The following TPM1 variants were observed in gnomAD, a reference collection of about 807,000 sequenced individuals.
TPM1 encodes tropomyosin 1.
TPM1 carries 24 observed loss-of-function variants against 42.9 expected under a neutral mutation model. The observed-to-expected ratio is 0.56, with a 90% CI of 0.41 to 0.79. The LOEUF (loss-of-function observed/expected upper bound fraction) is 0.79. Ranked by LOEUF, TPM1 falls within the 30% of genes least tolerant of loss-of-function variation. TPM1 has a pLI of 0.00. For synonymous variants in TPM1, 136 were observed against 130.1 expected, an observed-to-expected ratio of 1.05 and a Z score of -0.31; for missense variants, 158 against 351.8, an observed-to-expected ratio of 0.45 and a Z score of 4.41.
At chr15:63,049,233 G>A (rs2033304566) in intron 2 of TPM1, 2 of 183,340 alleles carry the variant, frequency 1.1e-5, no homozygotes, top group South Asian at 8.4e-5. Flanking sequence ...CTCCGAGGCG[G>A]TAGACAGACA....
At chr15:63,070,943 C>T, downstream of TPM1, 1 of 1,474,790 alleles carries the variant, frequency 6.8e-7, no homozygotes, top group African/African-American at 1.4e-5. Flanking sequence ...AGGTTCTTGT[C>T]TAGAAATGAG....
downstream of TPM1, chr15:63,070,136 T>A (rs2141034014): frequency 1.0e-5 from 15 of 1,445,344 alleles, no homozygotes; most frequent in Non-Finnish European, 1.4e-5. Context: ...ACGTTCTCTT[T>A]AATCACAAAA....
chr15:63,054,852 G>A (rs781391068), intron 2 of TPM1, among the ~76,000 whole-genome samples: 1 of 151,910 alleles, frequency 6.6e-6, no homozygotes, highest in Non-Finnish European at 1.5e-5. Context: ...TTTTTTGTGT[G>A]GCTTTAAATT....
chr15:63,063,293 G>C, intron 8 of TPM1: 5 of 985,468 alleles, frequency 5.1e-6, no homozygotes, highest in African/African-American at 1.7e-5. Flanking sequence ...GAAGGGATTA[G>C]AGAAGGAACT....
intron 9 of TPM1, 89 bp from the exon 10 acceptor site, chr15:63,065,807 T>C (rs2036215219): frequency 2.7e-6 from 4 of 1,463,006 alleles, no homozygotes; most frequent in African/African-American, 1.4e-5. Context: ...TTTCAAGTGC[T>C]CTCATCTATT....
At chr15:63,064,443 T>C in intron 9 of TPM1, 1 of 1,198,644 alleles carries the variant, frequency 8.3e-7, no homozygotes, top group Non-Finnish European at 1.0e-6. Context: ...TAAGCTAAAC[T>C]CAAGTAAAAC....
chr15:63,046,474 A>G (rs535969291), intron 2 of TPM1: 1 of 152,294 alleles, frequency 6.6e-6, no homozygotes, highest in Admixed American at 6.5e-5. Flanking sequence ...ACACTTTTAC[A>G]TTTTTCTACT....
chr15:63,069,188 C>G (rs1236531233), downstream of TPM1, among the ~76,000 whole-genome samples: 3 of 152,104 alleles, frequency 2.0e-5, no homozygotes, highest in Non-Finnish European at 2.9e-5. Flanking sequence ...AATTCTAAAT[C>G]AGTGTTGAGT....
intron 2 of TPM1, 149 bp downstream of exon 2, chr15:63,044,301 G>A (rs1248799096): frequency 4.7e-6 from 5 of 1,062,096 alleles, no homozygotes; most frequent in Non-Finnish European, 5.7e-6. Flanking sequence ...ATTGGATGCC[G>A]CCTCTGACTG....
At chr15:63,070,290 G>GTGTATATATATATATA (rs946549260), downstream of TPM1, 971 of 502,896 alleles carry the variant, frequency 1.9e-3, 17 homozygotes, top group African/African-American at 0.021. Context: ...CTTTAAGTAT[G>GTGTATATATATATATA]TATATATATA....
chr15:63,060,998 A>G, intron 5 of TPM1, 59 bp downstream of exon 5: 1 of 1,597,572 alleles, frequency 6.3e-7, no homozygotes, highest in Admixed American at 1.7e-5. Flanking sequence ...GTGACTAAAC[A>G]GCATGACCTT....
At chr15:63,056,894 T>A in intron 2 of TPM1, 91 bp from the exon 3 acceptor site, 1 of 1,569,496 alleles carries the variant, frequency 6.4e-7, no homozygotes, top group African/African-American at 1.3e-5. Context: ...AGTCTTCCTA[T>A]CTGAAATCAG....
At chr15:63,065,366 C>G (rs1370482047) in intron 9 of TPM1, 1 of 989,904 alleles carries the variant, frequency 1.0e-6, no homozygotes, top group East Asian at 1.1e-4. Flanking sequence ...ACCTGTCATT[C>G]ATTTACCCAT....
chr15:63,065,402 A>T, intron 9 of TPM1: 1 of 999,840 alleles, frequency 1.0e-6, no homozygotes, highest in African/African-American at 1.7e-5. Flanking sequence ...ACTTGAAGAG[A>T]GTGGCATGTG....
chr15:63,061,997 C>T, intron 6 of TPM1: 2 of 664,196 alleles, frequency 3.0e-6, no homozygotes, highest in Non-Finnish European at 5.3e-6. Flanking sequence ...TAATTTAAAC[C>T]AAGTGCCAAG....
intron 1 of TPM1, 79 bp downstream of exon 1, chr15:63,043,022 C>A: frequency 7.4e-7 from 1 of 1,345,158 alleles, no homozygotes; most frequent in Middle Eastern, 2.0e-4. Context: ...ATCCCCACCC[C>A]GAGGACTCGG....
chr15:63,061,077 G>T, intron 5 of TPM1, 138 bp downstream of exon 5: 1 of 1,457,132 alleles, frequency 6.9e-7, no homozygotes, highest in South Asian at 1.2e-5. Context: ...GATGAGCCAC[G>T]AGTATGGAAC....
chr15:63,057,898 G>A (rs2035046833), intron 3 of TPM1, among the ~76,000 whole-genome samples: 1 of 152,190 alleles, frequency 6.6e-6, no homozygotes, highest in African/African-American at 2.4e-5. Flanking sequence ...GCCGCTTGAG[G>A]GATGGCATAG....
At chr15:63,047,107 T>C (rs1402711947) in intron 2 of TPM1, 1 of 152,256 alleles carries the variant, frequency 6.6e-6, no homozygotes, top group Non-Finnish European at 1.5e-5. Flanking sequence ...GCCCACAGTC[T>C]CTGCACTTAG....
Sources: gnomAD v4.1 joint callset for allele counts (sites outside exome capture counted in the v4.1 genomes callset) on GRCh38, gnomAD v4.1.1 for gene constraint, MANE v1.5 for transcripts, NCBI Gene and HGNC (gene_info 2026-07-23, HGNC 2026-07-21) for gene names.